The following GPR155 variants were observed in gnomAD, a reference collection of about 807,000 sequenced individuals.
GPR155 encodes lysosomal cholesterol signaling protein.
A neutral mutation model predicts 93.1 loss-of-function variants in GPR155; 65 were observed. That is an observed-to-expected ratio of 0.70 (90% CI 0.57 to 0.86). The LOEUF (loss-of-function observed/expected upper bound fraction) is 0.86, where lower values mean the gene tolerates loss of function less well. Among genes scored for constraint, GPR155 ranks in the 40% least tolerant of loss-of-function variants. The pLI, the probability that GPR155 is intolerant of heterozygous loss-of-function variation, is 0.00. For missense variants in GPR155, 838 were observed against 1,034.8 expected (o/e 0.81, Z 2.61); for synonymous variants, 319 against 360.1 (o/e 0.89, Z 1.29).
rs180963390 is a variant in GPR155 at position 174,454,481 on chromosome 2, T to C, written c.1772-640A>G. ...CAGCCTGGGTAATACAGCAAGACTCTGTCTTTACAAAAAGCTTTTTAAAAA... is the reference window on the plus strand; with the variant it reads ...CAGCCTGGGTAATACAGCAAGACTCCGTCTTTACAAAAAGCTTTTTAAAAA... On this transcript the variant is annotated intron_variant, in intron 10 of 15. Transcript: ENST00000392552. Among the ~76,000 whole-genome samples the C allele has an allele frequency of 4.5e-4, 68 of 152,202 alleles. 2 individuals are homozygous for C. Among genetic ancestry groups the C allele is most frequent in the Admixed American group, 3.0e-3 (45 of 15,244 alleles).
At chr2:174,463,375 A>AT (rs1416746370) in intron 7 of GPR155, among the ~76,000 whole-genome samples, 1 of 151,896 alleles carries the variant, frequency 6.6e-6, no homozygotes, top group Non-Finnish European at 1.5e-5. Flanking sequence ...TAATTTTCAA[A>AT]TTTTTTATAG....
In GPR155 at chr2:174,470,525, C is replaced by T. The variant is rs765224954; in HGVS notation, c.891G>A (p.Met297Ile). The T allele has an allele frequency of 5.0e-6, 8 of 1,613,710 alleles. No individual in the cohort carries two copies. Among genetic ancestry groups the T allele is most frequent in the Non-Finnish European group, 6.8e-6 (8 of 1,179,954 alleles). The part of the protein sequence containing the change: ...LLVLPLLCRE[M>I]VELLDKGDSV... ...TGTCGCCCTTGTCCAAGAGTTCCACCATTTCTCTGCACAGAAGTGGCAGCA... is the reference window on the plus strand; with the variant it reads ...TGTCGCCCTTGTCCAAGAGTTCCACTATTTCTCTGCACAGAAGTGGCAGCA... Residue 297 changes from methionine (M) to isoleucine (I), a missense_variant, in exon 4 of 16, where the codon ATG becomes ATA. This residue lies in a region of GPR155 where 663 missense variants were observed against 790.1 expected (regional missense o/e 0.84). Coordinates refer to ENST00000392552, the MANE Select transcript of GPR155 (RefSeq NM_152529.7).
At chr2:174,461,276 A>G (rs1333249495) in intron 9 of GPR155, 126 bp downstream of exon 9, 3 of 647,752 alleles carry the variant, frequency 4.6e-6, no homozygotes, top group Non-Finnish European at 8.2e-6. Flanking sequence ...ATATAGGATC[A>G]CCAATCTGAT....
chr2:174,456,404 T>C (rs1687521653), intron 10 of GPR155, among the ~76,000 whole-genome samples: 1 of 151,908 alleles, frequency 6.6e-6, no homozygotes, highest in African/African-American at 2.4e-5. Context: ...TTCCAGGCTC[T>C]GGTGATCCTC....
At chr2:174,480,492 A>T (rs1395819085) in intron 2 of GPR155, among the ~76,000 whole-genome samples, 2 of 152,162 alleles carry the variant, frequency 1.3e-5, no homozygotes, top group African/African-American at 2.4e-5. Flanking sequence ...TTTAAAATAT[A>T]AAAAAGTAAT....
intron 11 of GPR155, among the ~76,000 whole-genome samples, chr2:174,451,248 A>G (rs1687308289): frequency 6.6e-6 from 1 of 151,888 alleles, no homozygotes; most frequent in South Asian, 2.1e-4. Context: ...CGGGAGGCAG[A>G]GGTTGCAGTG....
chr2:174,458,518 C>A (rs1331736276), intron 10 of GPR155, among the ~76,000 whole-genome samples: 3 of 152,146 alleles, frequency 2.0e-5, no homozygotes, highest in African/African-American at 7.2e-5. Context: ...CTCTCTTAGC[C>A]CTCACCCAGC....
Position 174,436,142 on chromosome 2 carries a change from G to A in GPR155, c.2587C>T (p.Pro863Ser). Residue 863 changes from proline to serine, a missense_variant, in exon 16 of 16, where the codon CCA (proline) becomes TCA (serine). Physicochemically the swap from Pro to Ser is moderately conservative, Grantham distance 74. Around this residue, in one of 3 missense-constraint regions of GPR155, gnomAD observed 146 missense variants for 177.5 expected, o/e 0.82. Transcript: ENST00000392552. ...ERYKEIEHSS[P>S]PSHSPKT ...TAGGTCTTAGGGGAATGTGAGGGTG[G>A]GGATGAATGCTCAATTTCTTTATAT... 6.2e-7 allele frequency: 1 copy of A among 1,613,504 alleles called. No individual in the cohort carries two copies.
At chr2:174,477,187 T>C (rs1453485171) in intron 2 of GPR155, among the ~76,000 whole-genome samples, 1 of 152,030 alleles carries the variant, frequency 6.6e-6, no homozygotes, top group Admixed American at 6.5e-5. Flanking sequence ...TATTTTTAAT[T>C]GACAAATATA....
chr2:174,485,339 G>C (rs889014759), intron 1 of GPR155, among the ~76,000 whole-genome samples: 2 of 152,194 alleles, frequency 1.3e-5, no homozygotes, highest in Admixed American at 1.3e-4. Flanking sequence ...GCTCACGCCT[G>C]TAATCCCAGC....
intron 15 of GPR155, among the ~76,000 whole-genome samples, chr2:174,439,505 T>C (rs1355260883): frequency 1.3e-5 from 2 of 152,116 alleles, no homozygotes; most frequent in African/African-American, 4.8e-5. Flanking sequence ...TCTTGACAAA[T>C]ACATTTGTCA....
chr2:174,470,023 A>G (rs543201244), intron 4 of GPR155, among the ~76,000 whole-genome samples: 1 of 152,242 alleles, frequency 6.6e-6, no homozygotes, highest in East Asian at 1.9e-4. Flanking sequence ...CACCACACCC[A>G]GCTAATGTTT....
intron 12 of GPR155, among the ~76,000 whole-genome samples, chr2:174,446,207 T>G (rs1375871662): frequency 6.7e-6 from 1 of 149,358 alleles, no homozygotes; most frequent in African/African-American, 2.5e-5. Flanking sequence ...CTCAGGAGAC[T>G]GAAGCAGGAG....
At chr2:174,462,376 T>A (rs1348617116) in intron 7 of GPR155, among the ~76,000 whole-genome samples, 3 of 152,264 alleles carry the variant, frequency 2.0e-5, no homozygotes, top group African/African-American at 7.2e-5. Context: ...AGTGGCATGA[T>A]CTTGGTTCAC....
intron 3 of GPR155, among the ~76,000 whole-genome samples, chr2:174,472,056 G>GCAC (rs1192322563): frequency 1.3e-5 from 2 of 152,114 alleles, no homozygotes; most frequent in Non-Finnish European, 2.9e-5. Flanking sequence ...TATGTCACCT[G>GCAC]CACCATCATG....
intron 11 of GPR155, among the ~76,000 whole-genome samples, chr2:174,451,394 T>C (rs12151549): frequency 0.63 from 95,833 of 151,890 alleles, 32,304 homozygotes; most frequent in Middle Eastern, 0.82. Context: ...TCATACATTG[T>C]TGCCATTCAA....
rs1448371856 is a variant in GPR155, at chr2:174,436,164, A to ATATC, written c.2561_2564dup (p.Tyr855Ter). On this transcript the variant is annotated stop_gained and frameshift_variant, in exon 16 of 16. Coordinates refer to ENST00000392552, the MANE Select transcript of GPR155 (RefSeq NM_152529.7). LOFTEE classifies it high-confidence loss of function. ...GTGGGGATGAATGCTCAATTTCTTT[A>ATATC]TATCTTTCCTGTTGGAGAGTGTTTG... 5 of 1,613,852 alleles carry ATATC rather than the reference A, an allele frequency of 3.1e-6. No individual in the cohort carries two copies. The highest frequency in any genetic ancestry group is 4.2e-6 in the Non-Finnish European group (5 of 1,179,860).
At chr2:174,471,394 CAAAA>C (rs1156941389) in intron 3 of GPR155, among the ~76,000 whole-genome samples, 1 of 43,478 alleles carries the variant, frequency 2.3e-5, no homozygotes, top group Non-Finnish European at 4.6e-5. Flanking sequence ...GACTCTGTCT[CAAAA>C]AAAAAAAAAA....
At chr2:174,441,109 TTCC>T (rs1225537547) in intron 14 of GPR155, among the ~76,000 whole-genome samples, 2 of 152,158 alleles carry the variant, frequency 1.3e-5, no homozygotes, top group Non-Finnish European at 2.9e-5. Context: ...TTTGTAATAG[TTCC>T]TCCAATTTTT....
Sources: gnomAD v4.1 joint callset for allele counts (sites outside exome capture counted in the v4.1 genomes callset) on GRCh38, gnomAD v4.1.1 for gene constraint, gnomAD v4.1.1 regional missense constraint, MANE v1.5 for transcripts, NCBI Gene and HGNC (gene_info 2026-07-23, HGNC 2026-07-21) for gene names.